The following KCNMB2 variants were observed in gnomAD, a reference collection of about 807,000 sequenced individuals.
KCNMB2 encodes the protein potassium calcium-activated channel subfamily M regulatory beta subunit 2, also known as calcium-activated potassium channel subunit beta-2.
In KCNMB2, 9 loss-of-function variants were observed where a neutral mutation model predicts 24.5. The ratio of observed to expected loss-of-function variants is 0.37; its 90% CI spans 0.22 to 0.64. KCNMB2 has a LOEUF of 0.64. Ranked by LOEUF, KCNMB2 falls within the 30% of genes least tolerant of loss-of-function variation. The pLI, the probability that KCNMB2 is intolerant of heterozygous loss-of-function variation, is 0.63. For synonymous variants in KCNMB2, 109 were observed against 104.4 expected (o/e 1.04, Z -0.27); for missense variants, 226 against 284.3 (o/e 0.79, Z 1.47).
At chr3:178,676,528 G>T (rs1026432174) in intron 1 of KCNMB2, among the ~76,000 whole-genome samples, 2 of 152,120 alleles carry the variant, frequency 1.3e-5, no homozygotes, top group Non-Finnish European at 2.9e-5. Flanking sequence ...CACCTTAGTG[G>T]CTCTACAAGG....
In KCNMB2 at chr3:178,771,336, G is replaced by A. The variant is rs115090127; in HGVS notation, c.-67-36007G>A. On this transcript the variant is annotated intron_variant, in intron 1 of 4. Transcript: ENST00000452583. ...CCAGAAGGACTCCATTAAAAGTGAC[G>A]TTGATCATGTCCATTAGATGCTCAA... 7.9e-3 allele frequency among the ~76,000 whole-genome samples: 1,199 copies of A among 152,168 alleles called. 15 individuals carry two copies. The highest frequency in any genetic ancestry group is 0.028 in the African/African-American group (1,166 of 41,498).
At chr3:178,780,868 T>G (rs1712802522) in intron 1 of KCNMB2, among the ~76,000 whole-genome samples, 1 of 152,194 alleles carries the variant, frequency 6.6e-6, no homozygotes, top group South Asian at 2.1e-4. Context: ...AAATAGTGAT[T>G]ATTTTTGACA....
At chr3:178,703,603 T>G (rs768038878) in intron 1 of KCNMB2, among the ~76,000 whole-genome samples, 1 of 152,214 alleles carries the variant, frequency 6.6e-6, no homozygotes, top group Non-Finnish European at 1.5e-5. Context: ...GAAACTGTTA[T>G]TCTTTAGCTA....
rs1716323509 is a variant in KCNMB2 at position 178,561,746 on chromosome 3, CT to C, written c.-68+25036del. On this transcript the variant is annotated intron_variant, in intron 1 of 4. Transcript: ENST00000452583. Reference sequence around the variant, plus strand: ...GGAAAGAAATACAGCAGCCTTTTAGCTATAATCTGATATGCAGCAACTATAG... The same window carrying C: ...GGAAAGAAATACAGCAGCCTTTTAGCATAATCTGATATGCAGCAACTATAG... Among the ~76,000 whole-genome samples, 6 of 152,104 alleles carry C rather than the reference CT, an allele frequency of 3.9e-5. No individual in the cohort carries two copies. In the South Asian group the frequency reaches 1.2e-3, roughly 32 times the overall value.
chr3:178,550,457 CAAAAAAAAAAAA>C (rs71671909), intron 1 of KCNMB2, among the ~76,000 whole-genome samples: 2 of 46,020 alleles, frequency 4.3e-5, no homozygotes, highest in Non-Finnish European at 8.1e-5. Context: ...GACTCCGTCT[CAAAAAAAAAAAA>C]AAAAAAAAAA....
At chr3:178,818,401 C>T (rs1361650506) in intron 2 of KCNMB2, among the ~76,000 whole-genome samples, 2 of 152,116 alleles carry the variant, frequency 1.3e-5, no homozygotes, top group African/African-American at 2.4e-5. Context: ...CATGCACTAG[C>T]TGTTTTCCCT....
At chr3:178,778,470 A>ACGTGCG (rs1469982956) in intron 1 of KCNMB2, among the ~76,000 whole-genome samples, 2 of 88,594 alleles carry the variant, frequency 2.3e-5, no homozygotes, top group Non-Finnish European at 2.4e-5. Flanking sequence ...ACACACACAC[A>ACGTGCG]CACACACACA....
intron 1 of KCNMB2, among the ~76,000 whole-genome samples, chr3:178,633,664 G>A (rs960446255): frequency 2.0e-5 from 3 of 152,322 alleles, no homozygotes; most frequent in African/African-American, 7.2e-5. Context: ...GATGGGAGGG[G>A]CTGCCATGAA....
chr3:178,630,231 G>T (rs1317643949), intron 1 of KCNMB2, among the ~76,000 whole-genome samples: 1 of 152,122 alleles, frequency 6.6e-6, no homozygotes, highest in Admixed American at 6.6e-5. Flanking sequence ...TGGCTTGCTT[G>T]GGCTTTAGAC....
At chr3:178,818,905 A>C (rs1714511628) in intron 2 of KCNMB2, among the ~76,000 whole-genome samples, 1 of 139,858 alleles carries the variant, frequency 7.2e-6, no homozygotes, top group Admixed American at 6.9e-5. Flanking sequence ...TACTACCTCT[A>C]TTCTCTTATA....
chr3:178,603,022 G>A (rs1307392016), intron 1 of KCNMB2, among the ~76,000 whole-genome samples: 5 of 152,296 alleles, frequency 3.3e-5, no homozygotes, highest in Admixed American at 6.5e-5. Flanking sequence ...GATGAGTAAC[G>A]TGGGAGAGGT....
At chr3:178,593,031 A>G (rs907771796) in intron 1 of KCNMB2, among the ~76,000 whole-genome samples, 7 of 152,040 alleles carry the variant, frequency 4.6e-5, no homozygotes, top group African/African-American at 1.7e-4. Context: ...AAGTACGAGC[A>G]GAGGGAAGGG....
intron 4 of KCNMB2, among the ~76,000 whole-genome samples, chr3:178,840,012 T>C (rs535135805): frequency 6.6e-6 from 1 of 152,268 alleles, no homozygotes; most frequent in South Asian, 2.1e-4. Context: ...GTAAATCCCT[T>C]CCGCCTATAA....
chr3:178,770,257 A>G (rs150408520), intron 1 of KCNMB2, among the ~76,000 whole-genome samples: 17 of 152,328 alleles, frequency 1.1e-4, no homozygotes, highest in African/African-American at 4.1e-4. Context: ...GCCAAGAACA[A>G]GACAGGGCCC....
chr3:178,740,359 A>G (rs900064041), intron 1 of KCNMB2, among the ~76,000 whole-genome samples: 10 of 152,072 alleles, frequency 6.6e-5, no homozygotes, highest in Non-Finnish European at 1.5e-4. Context: ...TGACCTCATG[A>G]TCTGCCCGCC....
At chr3:178,762,804 T>C (rs1711961405) in intron 1 of KCNMB2, among the ~76,000 whole-genome samples, 1 of 151,660 alleles carries the variant, frequency 6.6e-6, no homozygotes, top group Non-Finnish European at 1.5e-5. Context: ...TTATAAAATT[T>C]TAGGCTTGAG....
At chr3:178,717,418 A>T (rs777421363) in intron 1 of KCNMB2, among the ~76,000 whole-genome samples, 19 of 152,142 alleles carry the variant, frequency 1.2e-4, no homozygotes, top group South Asian at 6.2e-4. Flanking sequence ...TTGGCTGTAA[A>T]TTGCTAGAAA....
At chr3:178,723,456 T>C (rs1722871998) in intron 1 of KCNMB2, among the ~76,000 whole-genome samples, 2 of 152,144 alleles carry the variant, frequency 1.3e-5, no homozygotes. Flanking sequence ...AATGCCTAAG[T>C]GTTTGGAGAT....
chr3:178,658,825 T>C lies in KCNMB2; in HGVS notation c.-68+122114T>C, dbSNP rs144319550. Among the ~76,000 whole-genome samples, 203 of 152,314 alleles carry C rather than the reference T, an allele frequency of 1.3e-3. 3 individuals are homozygous for C. The highest frequency in any genetic ancestry group is 4.5e-3 in the African/African-American group (185 of 41,564). ...ATGAAGGACTGCTCAGATTATTACA[T>C]CAAAAGCCTACAGAATGCTCAGAAT... On this transcript the variant is annotated intron_variant, in intron 1 of 4. Transcript: ENST00000452583.
Sources: gnomAD v4.1 joint callset for allele counts (sites outside exome capture counted in the v4.1 genomes callset) on GRCh38, gnomAD v4.1.1 for gene constraint, MANE v1.5 for transcripts, NCBI Gene and HGNC (gene_info 2026-07-23, HGNC 2026-07-21) for gene names.